TEX36: variants seen among roughly 807,000 people sequenced by gnomAD.
TEX36 encodes testis-expressed protein 36.
Under a neutral mutation model 13.6 loss-of-function variants are expected in TEX36, and 12 were observed. The observed-to-expected ratio is 0.88, with a 90% confidence interval of 0.56 to 1.43. TEX36 has a LOEUF of 1.43. Among genes scored for constraint, TEX36 ranks in the 40% most tolerant of loss-of-function variants. The probability of loss-of-function intolerance (pLI) is 0.00; values close to 1 mark genes in which losing one functional copy is unlikely to be tolerated. For missense variants in TEX36, 224 were observed against 228.3 expected, an observed-to-expected ratio of 0.98 and a Z score of 0.12; for synonymous variants, 93 against 83.0, an observed-to-expected ratio of 1.12 and a Z score of -0.65.
chr10:125,583,899 G>C (rs960275910), intron 3 of TEX36, among the ~76,000 whole-genome samples: 1 of 152,012 alleles, frequency 6.6e-6, no homozygotes, highest in South Asian at 2.1e-4. Context: ...TGACTTTACC[G>C]CTTCTCCCAC....
At chr10:125,652,276 T>C (rs961596756), downstream of TEX36, among the ~76,000 whole-genome samples, 38 of 152,152 alleles carry the variant, frequency 2.5e-4, no homozygotes, top group African/African-American at 8.0e-4. Context: ...ATGGTACTGG[T>C]ACCAAAACAG....
intron 3 of TEX36, among the ~76,000 whole-genome samples, chr10:125,587,724 T>C (rs1305170538): frequency 6.6e-6 from 1 of 150,616 alleles, no homozygotes; most frequent in Non-Finnish European, 1.5e-5. Flanking sequence ...AGGTAGAGGT[T>C]GCAGTGAGCC....
chr10:125,672,413 G>T (rs1253656835), intron 1 of TEX36, among the ~76,000 whole-genome samples: 1 of 152,180 alleles, frequency 6.6e-6, no homozygotes, highest in Non-Finnish European at 1.5e-5. Context: ...AGAGCAGATT[G>T]TTCAAATTCC....
chr10:125,680,108 TA>T (rs1847371779), intron 1 of TEX36, among the ~76,000 whole-genome samples: 2 of 152,236 alleles, frequency 1.3e-5, no homozygotes, highest in Non-Finnish European at 2.9e-5. Flanking sequence ...CTTCTATTTT[TA>T]AAATGTTTTC....
At chr10:125,679,000 C>T (rs891118409) in intron 1 of TEX36, among the ~76,000 whole-genome samples, 2 of 152,064 alleles carry the variant, frequency 1.3e-5, no homozygotes, top group African/African-American at 4.8e-5. Flanking sequence ...GAGGGGTTGT[C>T]TTTGGTGGCC....
chr10:125,647,136 T>C lies in TEX36; in HGVS notation c.264+13885A>G, dbSNP rs1846782115. ...AAATCCATTGATATACCTTATTATA[T>C]TAACATATTAATATAGAAAAACATA... is the stretch of plus-strand genomic sequence containing the variant. On this transcript the variant is annotated intron_variant, in intron 3 of 3. Transcript: ENST00000526819. Among the ~76,000 whole-genome samples, 5 of 152,318 alleles carry C rather than the reference T, an allele frequency of 3.3e-5. No homozygotes were observed. In the South Asian group the frequency reaches 8.3e-4, roughly 25 times the overall value.
rs577906636 is a variant in TEX36 at position 125,663,154 on chromosome 10, G to A, written c.52-1177C>T. On this transcript the variant is annotated intron_variant, in intron 1 of 3. Transcript: ENST00000368821. ...GAGAGACTAAACTTTCTCAAGCCTC[G>A]GTTTCCCTATCTGTAAAATGGGAAT... 2.6e-4 allele frequency among the ~76,000 whole-genome samples: 40 copies of A among 152,220 alleles called. 1 individual carries two copies. The highest frequency in any genetic ancestry group is 5.9e-5 in the Non-Finnish European group (4 of 68,014).
At chr10:125,653,429 T>G (rs1027346280), downstream of TEX36, among the ~76,000 whole-genome samples, 5 of 137,104 alleles carry the variant, frequency 3.6e-5, no homozygotes, top group East Asian at 8.8e-4. Context: ...CAGGTGGGAA[T>G]TGAACAATGT....
chr10:125,583,744 T>C (rs1226773608), intron 3 of TEX36, among the ~76,000 whole-genome samples: 4 of 152,202 alleles, frequency 2.6e-5, no homozygotes, highest in Non-Finnish European at 5.9e-5. Context: ...AACAAAATAA[T>C]TATATAAGTG....
chr10:125,672,798 T>A (rs1287789188), intron 1 of TEX36, among the ~76,000 whole-genome samples: 1 of 152,220 alleles, frequency 6.6e-6, no homozygotes, highest in Non-Finnish European at 1.5e-5. Context: ...GTTTTATGAA[T>A]CTGAGTGCTC....
At chr10:125,658,175 A>T (rs1846976685) in intron 3 of TEX36, among the ~76,000 whole-genome samples, 2 of 152,150 alleles carry the variant, frequency 1.3e-5, no homozygotes, top group Non-Finnish European at 2.9e-5. Context: ...ATAGAAGACA[A>T]ATGCAAAGCA....
chr10:125,611,520 T>A (rs1411970330), intron 3 of TEX36, among the ~76,000 whole-genome samples: 2 of 152,350 alleles, frequency 1.3e-5, no homozygotes, highest in African/African-American at 2.4e-5. Flanking sequence ...AATGTGTGTG[T>A]GAGACTGTCC....
At chr10:125,606,364 G>A (rs1050270296) in intron 3 of TEX36, among the ~76,000 whole-genome samples, 1 of 152,094 alleles carries the variant, frequency 6.6e-6, no homozygotes, top group African/African-American at 2.4e-5. Flanking sequence ...TTATATCTTT[G>A]ACCTATCCAG....
At chr10:125,662,780 C>T (rs1847068061) in intron 1 of TEX36, among the ~76,000 whole-genome samples, 1 of 152,166 alleles carries the variant, frequency 6.6e-6, no homozygotes, top group Admixed American at 6.5e-5. Flanking sequence ...AGGGAGGCAG[C>T]TCTCTTCAGA....
intron 3 of TEX36, among the ~76,000 whole-genome samples, chr10:125,625,471 T>C (rs1349186993): frequency 6.6e-6 from 1 of 152,208 alleles, no homozygotes; most frequent in African/African-American, 2.4e-5. Context: ...GATCAGTTCA[T>C]AGTTTAGTCT....
At chr10:125,624,038 C>T (rs991696343) in intron 3 of TEX36, among the ~76,000 whole-genome samples, 3 of 152,166 alleles carry the variant, frequency 2.0e-5, no homozygotes, top group Non-Finnish European at 4.4e-5. Context: ...ATCATTAATT[C>T]TCTATGTCTC....
chr10:125,627,329 C>T lies in TEX36; in HGVS notation c.265-5684G>A, dbSNP rs61873477. On this transcript the variant is annotated intron_variant, in intron 3 of 3. Transcript: ENST00000526819. ...TTACAGAGATGAAAATATATCTTGG[C>T]TATTTATCAAATTAATCACCCTATA... Among the ~76,000 whole-genome samples the T allele has an allele frequency of 1.3e-3, 198 of 152,250 alleles. 1 individual carries two copies. Among genetic ancestry groups the T allele is most frequent in the African/African-American group, 1.8e-3 (73 of 41,540 alleles).
At chr10:125,591,394 A>C (rs1846019739) in intron 3 of TEX36, among the ~76,000 whole-genome samples, 1 of 152,186 alleles carries the variant, frequency 6.6e-6, no homozygotes, top group African/African-American at 2.4e-5. Context: ...CTCTGCCCTT[A>C]GTAACTGGGA....
At chr10:125,621,748 GC>G (rs1000320330) in intron 3 of TEX36, 1 of 439,414 alleles carries the variant, frequency 2.3e-6, no homozygotes, top group Non-Finnish European at 4.5e-6. Context: ...AGGCCCAAGA[GC>G]CCCCCAGAAG....
Sources: allele counts gnomAD v4.1 joint callset (sites outside exome capture counted in the v4.1 genomes callset), GRCh38; gene constraint gnomAD v4.1.1; transcripts MANE v1.5; gene names NCBI Gene and HGNC (gene_info 2026-07-23, HGNC 2026-07-21).